The following CNTNAP2 variants were observed in gnomAD, a reference collection of about 807,000 sequenced individuals.
The protein encoded by CNTNAP2 is contactin-associated protein-like 2.
CNTNAP2 carries 98 observed loss-of-function variants against 155.2 expected under a neutral mutation model. The observed-to-expected ratio is 0.63, with a 90% CI of 0.54 to 0.75. The LOEUF (loss-of-function observed/expected upper bound fraction) is 0.75. CNTNAP2 is among the 30% of genes least tolerant of loss of function. The pLI, the probability that CNTNAP2 is intolerant of heterozygous loss-of-function variation, is 0.00. For synonymous variants in CNTNAP2, 651 were observed against 631.2 expected (o/e 1.03, Z -0.47); for missense variants, 1,727 against 1,688.1 (o/e 1.02, Z -0.40).
chr7:147,581,744 A>C (rs1173470879), intron 12 of CNTNAP2, among the ~76,000 whole-genome samples: 4 of 152,220 alleles, frequency 2.6e-5, no homozygotes, highest in Non-Finnish European at 5.9e-5. Context: ...TACTCGGTTT[A>C]GTTATCTGAA....
chr7:148,115,739 T>A (rs7803754), intron 15 of CNTNAP2, among the ~76,000 whole-genome samples: 45,061 of 152,032 alleles, frequency 0.3, 8,254 homozygotes, highest in East Asian at 0.68. Context: ...CTGTTCCTGT[T>A]ACCAGTAGCC....
At chr7:146,709,307 C>A (rs1218442377) in intron 1 of CNTNAP2, among the ~76,000 whole-genome samples, 4 of 152,088 alleles carry the variant, frequency 2.6e-5, no homozygotes, top group Admixed American at 2.6e-4. Flanking sequence ...CTGTACTCAC[C>A]ACCATGCATT....
rs187481661 is a variant in CNTNAP2 at position 146,699,828 on chromosome 7, T to A, written c.98-74443T>A. On this transcript the variant is annotated intron_variant, in intron 1 of 23. Coordinates refer to ENST00000361727, the MANE Select transcript of CNTNAP2 (RefSeq NM_014141.6). ...ACTAAAAATACAAAAATTAGCTGGG[T>A]GTGATGATACATATTCATAATTTCA... Among the ~76,000 whole-genome samples the A allele has an allele frequency of 6.6e-5, 10 of 151,976 alleles. No homozygotes were observed. In the East Asian group the frequency reaches 1.9e-3, roughly 29 times the overall value.
intron 8 of CNTNAP2, among the ~76,000 whole-genome samples, chr7:147,173,476 T>A (rs1465939924): frequency 6.6e-6 from 1 of 152,164 alleles, no homozygotes; most frequent in Non-Finnish European, 1.5e-5. Context: ...TTATTACCTA[T>A]AAAGCAGATG....
In CNTNAP2 at chr7:148,225,654, C is replaced by T. The variant is rs111481991; in HGVS notation, c.3248-3992C>T. 5.3e-3 allele frequency among the ~76,000 whole-genome samples: 808 copies of T among 152,254 alleles called. 12 individuals carry two copies. Among genetic ancestry groups the T allele is most frequent in the African/African-American group, 0.018 (760 of 41,534 alleles). On this transcript the variant is annotated intron_variant, in intron 19 of 23. Transcript: ENST00000361727. Reference sequence around the variant, plus strand: ...ACTGTGTATCTCAGGGTCAGAGGCCCAGTGGGATCAGGGAAGGTTGGAGAA... The same window carrying T: ...ACTGTGTATCTCAGGGTCAGAGGCCTAGTGGGATCAGGGAAGGTTGGAGAA...
At chr7:146,974,923 G>T (rs968856997) in intron 3 of CNTNAP2, among the ~76,000 whole-genome samples, 1 of 152,096 alleles carries the variant, frequency 6.6e-6, no homozygotes, top group African/African-American at 2.4e-5. Flanking sequence ...AGGAGGCAGA[G>T]GTTGCAGTGA....
At chr7:147,507,839 C>T (rs1017890928) in intron 11 of CNTNAP2, among the ~76,000 whole-genome samples, 4 of 152,128 alleles carry the variant, frequency 2.6e-5, no homozygotes, top group African/African-American at 9.7e-5. Flanking sequence ...GCGTGAGCCA[C>T]CGCGCCTGGC....
At chr7:146,215,517 T>C (rs1799099172) in intron 1 of CNTNAP2, among the ~76,000 whole-genome samples, 1 of 152,020 alleles carries the variant, frequency 6.6e-6, no homozygotes, top group Admixed American at 6.6e-5. Flanking sequence ...CTGACAAAAT[T>C]GCCATTTTAT....
intron 15 of CNTNAP2, among the ~76,000 whole-genome samples, chr7:148,099,162 C>G (rs973535172): frequency 6.6e-6 from 1 of 152,274 alleles, no homozygotes; most frequent in African/African-American, 2.4e-5. Flanking sequence ...TTAAACTTTC[C>G]GTGCCTCAGT....
intron 1 of CNTNAP2, among the ~76,000 whole-genome samples, chr7:146,613,089 G>T (rs1055035149): frequency 2.0e-5 from 3 of 152,036 alleles, no homozygotes; most frequent in Admixed American, 2.0e-4. Flanking sequence ...CCTATCTATA[G>T]ATTTGTTTAC....
chr7:146,793,348 C>T (rs1403832944), intron 2 of CNTNAP2, among the ~76,000 whole-genome samples: 3 of 152,180 alleles, frequency 2.0e-5, no homozygotes, highest in Non-Finnish European at 4.4e-5. Context: ...TCTGCAGTCT[C>T]TCAGGCATGT....
chr7:146,482,824 TAGA>T (rs879773105), intron 1 of CNTNAP2, among the ~76,000 whole-genome samples: 2 of 151,888 alleles, frequency 1.3e-5, no homozygotes, highest in Admixed American at 1.3e-4. Context: ...ATTGAATAAA[TAGA>T]TATCATGGAA....
rs1029932577 is a variant in CNTNAP2, at chr7:146,483,415, TAAA to T, written c.98-290855_98-290853del. Among the ~76,000 whole-genome samples the T allele has an allele frequency of 1.8e-3, 269 of 147,442 alleles. 1 individual carries two copies. The highest frequency in any genetic ancestry group is 5.9e-3 in the African/African-American group (238 of 40,596). On this transcript the variant is annotated intron_variant, in intron 1 of 23. Coordinates refer to ENST00000361727, the MANE Select transcript of CNTNAP2 (RefSeq NM_014141.6). ...ATTCATTGTTACATAATTTTACAGT[TAAA>T]TAAGTGAGGGTCAGATATTGCCAAA...
At chr7:147,948,156 G>T (rs1800853306) in intron 14 of CNTNAP2, among the ~76,000 whole-genome samples, 1 of 151,768 alleles carries the variant, frequency 6.6e-6, no homozygotes, top group Admixed American at 6.6e-5. Flanking sequence ...TATCCTCAAT[G>T]GTGAACTTAA....
intron 14 of CNTNAP2, among the ~76,000 whole-genome samples, chr7:147,924,156 TGAGACAGA>T (rs1800339962): frequency 1.4e-5 from 2 of 148,068 alleles, no homozygotes. Flanking sequence ...TTTTTTTTTT[TGAGACAGA>T]GTTTCACTCT....
intron 1 of CNTNAP2, among the ~76,000 whole-genome samples, chr7:146,134,446 T>C (rs561485115): frequency 0.038 from 5,692 of 150,992 alleles, 335 homozygotes; most frequent in African/African-American, 0.13. Context: ...TCCAACACTA[T>C]GTTGAATAGG....
intron 18 of CNTNAP2, among the ~76,000 whole-genome samples, chr7:148,189,656 C>A (rs1208314396): frequency 6.6e-6 from 1 of 152,148 alleles, no homozygotes; most frequent in Non-Finnish European, 1.5e-5. Flanking sequence ...GTCTCCAGAA[C>A]CACAGCCAAG....
At chr7:147,060,513 G>C (rs368778462) in intron 4 of CNTNAP2, among the ~76,000 whole-genome samples, 1 of 152,144 alleles carries the variant, frequency 6.6e-6, no homozygotes, top group Non-Finnish European at 1.5e-5. Flanking sequence ...ACAAGGTCAG[G>C]AGATCGAGAC....
intron 9 of CNTNAP2, among the ~76,000 whole-genome samples, chr7:147,346,440 C>T (rs928240374): frequency 7.2e-5 from 11 of 152,188 alleles, no homozygotes; most frequent in Non-Finnish European, 1.5e-4. Context: ...AGGCGTGAGC[C>T]ACCGCGCCCG....
Sources: allele counts gnomAD v4.1 joint callset (sites outside exome capture counted in the v4.1 genomes callset), GRCh38; gene constraint gnomAD v4.1.1; transcripts MANE v1.5; gene names NCBI Gene and HGNC (gene_info 2026-07-23, HGNC 2026-07-21).